GALNT2: variants seen among roughly 807,000 people sequenced by gnomAD.
GALNT2 encodes UDP-GalNAc:polypeptide N-acetylgalactosaminyltransferase 2.
In GALNT2, 31 loss-of-function variants were observed where a neutral mutation model predicts 81.4. The observed-to-expected ratio is 0.38, with a 90% confidence interval of 0.29 to 0.51. GALNT2 has a LOEUF of 0.51. GALNT2 is among the 20% of genes least tolerant of loss of function. The pLI is 0.87. For synonymous variants in GALNT2, 303 were observed against 287.4 expected, an observed-to-expected ratio of 1.05 and a Z score of -0.55; for missense variants, 629 against 765.7, an observed-to-expected ratio of 0.82 and a Z score of 2.11.
At chr1:230,262,321 C>A in intron 11 of GALNT2, 1 of 463,798 alleles carries the variant, frequency 2.2e-6, no homozygotes. Context: ...TTGCCTTTTG[C>A]CCTTTGACCA....
chr1:230,276,926 G>T (rs1004291124), intron 15 of GALNT2, among the ~76,000 whole-genome samples: 1 of 152,108 alleles, frequency 6.6e-6, no homozygotes, highest in East Asian at 1.9e-4. Context: ...CATTCCCCTG[G>T]GATGTAACGG....
intron 2 of GALNT2, among the ~76,000 whole-genome samples, chr1:230,188,369 G>A (rs993884809): frequency 9.2e-5 from 14 of 152,294 alleles, no homozygotes; most frequent in African/African-American, 3.4e-4. Context: ...GTCATGGAAT[G>A]GGGGCAAGAA....
chr1:230,144,008 G>A (rs1264908860), intron 1 of GALNT2, among the ~76,000 whole-genome samples: 1 of 152,172 alleles, frequency 6.6e-6, no homozygotes, highest in African/African-American at 2.4e-5. Context: ...CATTCAGAAC[G>A]ATACCTCCTA....
intron 1 of GALNT2, among the ~76,000 whole-genome samples, chr1:230,128,432 C>G (rs932479745): frequency 1.3e-5 from 2 of 152,084 alleles, no homozygotes; most frequent in Non-Finnish European, 1.5e-5. Context: ...TCTGTGGAGG[C>G]CACAGAGCCC....
intron 6 of GALNT2, among the ~76,000 whole-genome samples, chr1:230,239,720 A>T (rs1308632653): frequency 1.3e-5 from 2 of 152,090 alleles, no homozygotes; most frequent in Non-Finnish European, 2.9e-5. Context: ...TATTTGTACC[A>T]TGTGCATTTT....
intron 1 of GALNT2, among the ~76,000 whole-genome samples, chr1:230,162,245 C>G (rs1662458527): frequency 6.6e-6 from 1 of 152,190 alleles, no homozygotes; most frequent in African/African-American, 2.4e-5. Flanking sequence ...CCAACACATG[C>G]CGGGTTCTTC....
In GALNT2 at chr1:230,225,663, G is replaced by A. The variant is rs74832995; in HGVS notation, c.375-10351G>A. ...AGGAGGAATGGGAAATCAAAATCTG[G>A]AGGAGGCAGAGTTTTTTTGTTTTTT... On this transcript the variant is annotated intron_variant, in intron 3 of 15. Coordinates refer to ENST00000366672, the MANE Select transcript of GALNT2 (RefSeq NM_004481.5). Among the ~76,000 whole-genome samples the A allele has an allele frequency of 2.1e-3, 324 of 151,230 alleles. 2 individuals carry two copies. The highest frequency in any genetic ancestry group is 7.7e-3 in the African/African-American group (316 of 40,804).
upstream of GALNT2, among the ~76,000 whole-genome samples, chr1:230,065,698 GT>G (rs1659156086): frequency 6.6e-6 from 1 of 152,328 alleles, no homozygotes; most frequent in Admixed American, 6.5e-5. Flanking sequence ...CTGAAATGCA[GT>G]TTTTAATAGA....
chr1:230,140,574 T>G (rs938649061), intron 1 of GALNT2, among the ~76,000 whole-genome samples: 6 of 152,036 alleles, frequency 3.9e-5, no homozygotes, highest in South Asian at 2.1e-4. Flanking sequence ...CTCGGGAAAC[T>G]TCCCCCTTCC....
intron 1 of GALNT2, chr1:230,091,549 C>CA (rs1558279934): frequency 6.6e-6 from 1 of 152,118 alleles, no homozygotes; most frequent in African/African-American, 2.4e-5. Flanking sequence ...ATTGATTTTT[C>CA]AAAAATCCCA....
At position 230,131,120 on chromosome 1, in the gene GALNT2, G is replaced by A. The variant is rs138526289; in HGVS notation, c.127-47098G>A. 3.9e-5 allele frequency among the ~76,000 whole-genome samples: 6 copies of A among 151,908 alleles called. 1 individual carries two copies. Among genetic ancestry groups the A allele is most frequent in the South Asian group, 2.1e-4 (1 of 4,814 alleles). On this transcript the variant is annotated intron_variant, in intron 1 of 15. Transcript: ENST00000366672. Reference sequence around the variant, plus strand: ...GTATCTAAAAAGCTAGGCACAAAACGTTTGTTTTTTTTTTATAAAAATTAA... The same window carrying A: ...GTATCTAAAAAGCTAGGCACAAAACATTTGTTTTTTTTTTATAAAAATTAA...
chr1:230,060,127 A>G (rs1216160743), intron 1 of GALNT2, among the ~76,000 whole-genome samples: 1 of 151,954 alleles, frequency 6.6e-6, no homozygotes, highest in Admixed American at 6.6e-5. Flanking sequence ...ACATTTCCTT[A>G]CTCTTTCTTT....
chr1:230,073,899 C>A (rs899650579), intron 1 of GALNT2, among the ~76,000 whole-genome samples: 8 of 152,172 alleles, frequency 5.3e-5, no homozygotes, highest in African/African-American at 1.9e-4. Flanking sequence ...CTGCTGACCA[C>A]CTCCTCCTGC....
At chr1:230,177,415 T>C (rs962347813) in intron 1 of GALNT2, among the ~76,000 whole-genome samples, 7 of 152,288 alleles carry the variant, frequency 4.6e-5, no homozygotes, top group African/African-American at 1.7e-4. Flanking sequence ...GGAAAATTAC[T>C]AGCCATGGCT....
At chr1:230,112,170 C>T (rs1660722746) in intron 1 of GALNT2, among the ~76,000 whole-genome samples, 1 of 151,708 alleles carries the variant, frequency 6.6e-6, no homozygotes, top group Admixed American at 6.6e-5. Context: ...GCTGCTTTCT[C>T]CTCTCTCTGC....
intron 11 of GALNT2, chr1:230,258,774 G>GAT (rs1665792966): frequency 6.6e-6 from 1 of 152,030 alleles, no homozygotes; most frequent in South Asian, 2.1e-4. Flanking sequence ...CAAAAATATG[G>GAT]ATATATGTGC....
intron 12 of GALNT2, 58 bp downstream of exon 12, chr1:230,262,723 G>GGGGGGGGC: frequency 2.3e-6 from 3 of 1,293,626 alleles, no homozygotes; most frequent in South Asian, 1.2e-5. Context: ...GTGGGGGTGG[G>GGGGGGGGC]AGGTAAGGGG....
intron 1 of GALNT2, among the ~76,000 whole-genome samples, chr1:230,094,837 C>A (rs1558080301): frequency 6.6e-6 from 1 of 152,068 alleles, no homozygotes; most frequent in Non-Finnish European, 1.5e-5. Flanking sequence ...CCTAATCCTT[C>A]CCACACGTCT....
intron 1 of GALNT2, among the ~76,000 whole-genome samples, chr1:230,166,441 C>G (rs1194930709): frequency 2.0e-5 from 3 of 152,186 alleles, no homozygotes; most frequent in African/African-American, 7.2e-5. Flanking sequence ...TCTAAATATC[C>G]CACGTGGGTC....
Sources: gnomAD v4.1 joint callset for allele counts (sites outside exome capture counted in the v4.1 genomes callset) on GRCh38, gnomAD v4.1.1 for gene constraint, MANE v1.5 for transcripts, NCBI Gene and HGNC (gene_info 2026-07-23, HGNC 2026-07-21) for gene names.